The following HTATIP2 variants were observed in gnomAD, a reference collection of about 807,000 sequenced individuals.
HTATIP2 encodes protein HTATIP2.
HTATIP2 carries 26 observed loss-of-function variants against 24.7 expected under a neutral mutation model. That is an observed-to-expected ratio of 1.05 (90% CI 0.77 to 1.46). The LOEUF is 1.46. Among genes scored for constraint, HTATIP2 ranks in the 40% most tolerant of loss-of-function variants. The pLI, the probability that HTATIP2 is intolerant of heterozygous loss-of-function variation, is 0.00. For missense variants in HTATIP2, 284 were observed against 289.6 expected, an observed-to-expected ratio of 0.98 and a Z score of 0.14; for synonymous variants, 99 against 113.2, an observed-to-expected ratio of 0.87 and a Z score of 0.79.
chr11:20,364,701 G>C (rs1390903222), intron 1 of HTATIP2, among the ~76,000 whole-genome samples: 2 of 152,178 alleles, frequency 1.3e-5, no homozygotes, highest in Non-Finnish European at 1.5e-5. Context: ...GGTTGTAATG[G>C]GGGTGGGGGC....
At chr11:20,382,105 AT>A (rs1848529089) in intron 3 of HTATIP2, 72 bp from the exon 4 acceptor site, 1 of 910,280 alleles carries the variant, frequency 1.1e-6, no homozygotes, top group East Asian at 2.4e-5. Flanking sequence ...AAAACCACAA[AT>A]TATTCTCTCT....
chr11:20,367,208 A>T lies in HTATIP2; in HGVS notation c.230A>T (p.Asp77Val). Reference protein sequence around the residue: ...QEVVDFEKLDDYASAFQGHDV... With the variant: ...QEVVDFEKLDVYASAFQGHDV... ...GTGGTGGACTTTGAAAAGTTGGATGACTACGCCTCTGCCTTTCAAGGTCAT... is the reference window on the plus strand; with the variant it reads ...GTGGTGGACTTTGAAAAGTTGGATGTCTACGCCTCTGCCTTTCAAGGTCAT... Residue 77 changes from aspartate (D) to valine (V), a missense_variant, in exon 2 of 5, where the codon GAC becomes GTC. Asp to Val is a radical substitution (Grantham distance 152). Coordinates refer to ENST00000451739, the MANE Select transcript of HTATIP2 (RefSeq NM_001098522.2). 6.2e-7 allele frequency: 1 copy of T among 1,614,130 alleles called. No homozygotes were observed. The highest frequency in any genetic ancestry group is 8.5e-7 in the Non-Finnish European group (1 of 1,180,004).
In HTATIP2 at chr11:20,364,034, C is replaced by A; in HGVS notation, c.-204C>A. Reference sequence around the variant, plus strand: ...CCTGGGCGCACCCTCCAGCTCGGGCCCCTTCCGATGGGTCTGCTGGCTCAG... The same window carrying A: ...CCTGGGCGCACCCTCCAGCTCGGGCACCTTCCGATGGGTCTGCTGGCTCAG... On this transcript the variant is annotated 5_prime_UTR_variant, in exon 1 of 5. Transcript: ENST00000451739. The A allele has an allele frequency of 7.6e-7, 1 of 1,312,742 alleles. No individual in the cohort carries two copies. The allele number at this position is 1,312,742 out of a possible 1,614,324, so 81.3% of individuals were successfully genotyped here.
In HTATIP2 at chr11:20,366,530, G is replaced by T. The variant is rs76494049; in HGVS notation, c.196-644G>T. 9.8e-3 allele frequency among the ~76,000 whole-genome samples: 1,486 copies of T among 152,248 alleles called. 26 individuals carry two copies. The highest frequency in any genetic ancestry group is 0.034 in the African/African-American group (1,416 of 41,530). Reference sequence around the variant, plus strand: ...TCTTTTTTAAGTTATACAGCAAACTGATAAGGTTAGATGGAGGTTCGTAAA... The same window carrying T: ...TCTTTTTTAAGTTATACAGCAAACTTATAAGGTTAGATGGAGGTTCGTAAA... On this transcript the variant is annotated intron_variant, in intron 1 of 4. Coordinates refer to ENST00000451739, the MANE Select transcript of HTATIP2 (RefSeq NM_001098522.2).
At chr11:20,369,745 C>G (rs1015865147) in intron 2 of HTATIP2, among the ~76,000 whole-genome samples, 1 of 152,164 alleles carries the variant, frequency 6.6e-6, no homozygotes, top group Non-Finnish European at 1.5e-5. Context: ...TTAGTATGAT[C>G]TCAACTAATT....
In HTATIP2 at chr11:20,382,249, AT is replaced by A; in HGVS notation, c.503+11del. 6.1e-6 allele frequency: 9 copies of A among 1,484,238 alleles called. No homozygotes were observed. Among genetic ancestry groups the A allele is most frequent in the South Asian group, 2.3e-5 (2 of 87,704 alleles). The allele number at this position is 1,484,238 out of a possible 1,614,324, so 91.9% of individuals were successfully genotyped here. A position where few individuals can be genotyped will look rare whatever the true frequency, so the allele number is the denominator to read the frequency against. ...CTGTATTTAGGCCTGGGTAAGTATA[AT>A]ATTTATACTGAATGAGAGTATGCCA... On this transcript the variant is annotated intron_variant, in intron 4 of 4. Coordinates refer to ENST00000451739, the MANE Select transcript of HTATIP2 (RefSeq NM_001098522.2).
intron 4 of HTATIP2, among the ~76,000 whole-genome samples, chr11:20,382,637 C>A (rs753939238): frequency 6.6e-6 from 1 of 152,094 alleles, no homozygotes; most frequent in African/African-American, 2.4e-5. Flanking sequence ...GGTTGGTGTC[C>A]GGTGAGGCCT....
At position 20,382,980 on chromosome 11, in the gene HTATIP2, A is replaced by C; in HGVS notation, c.504A>C (p.Gly168=). ...TCTTTTTTTTTTTTTTTTATTTTAG[A>C]GTTCTGTTATGTGATAGGCAAGAAT... is the stretch of plus-strand genomic sequence containing the variant. ...KFDRYSVFRP[G]VLLCDRQESR... The change falls in exon 5 of 5, where the codon GGA becomes GGC. Residue 168 remains glycine (G), a splice_region_variant and synonymous_variant. Transcript: ENST00000451739. 6.4e-7 allele frequency: 1 copy of C among 1,574,104 alleles called. No homozygotes were observed. The highest frequency in any genetic ancestry group is 8.6e-7 in the Non-Finnish European group (1 of 1,163,872).
chr11:20,365,222 C>A (rs548004217), intron 1 of HTATIP2, among the ~76,000 whole-genome samples: 3 of 152,182 alleles, frequency 2.0e-5, no homozygotes, highest in Non-Finnish European at 4.4e-5. Flanking sequence ...CTCTTGACCT[C>A]AGATGATGCT....
At chr11:20,381,866 T>G (rs1042109409) in intron 3 of HTATIP2, among the ~76,000 whole-genome samples, 6 of 152,172 alleles carry the variant, frequency 3.9e-5, no homozygotes, top group Non-Finnish European at 7.4e-5. Context: ...ATAGAGGATA[T>G]TCTTTTATGA....
intron 2 of HTATIP2, among the ~76,000 whole-genome samples, chr11:20,373,384 G>A (rs777126117): frequency 3.9e-5 from 6 of 152,170 alleles, no homozygotes; most frequent in Non-Finnish European, 8.8e-5. Context: ...GGAGACGACA[G>A]CACTCTATTA....
chr11:20,364,555 G>A, intron 1 of HTATIP2, 123 bp downstream of exon 1: 2 of 817,324 alleles, frequency 2.4e-6, no homozygotes, highest in Admixed American at 2.9e-5. Flanking sequence ...TCAAAACTTG[G>A]CCAAGATTGG....
At chr11:20,372,488 C>T (rs751598796) in intron 2 of HTATIP2, among the ~76,000 whole-genome samples, 9 of 152,090 alleles carry the variant, frequency 5.9e-5, no homozygotes, top group Non-Finnish European at 1.2e-4. Flanking sequence ...GTGTAGTATA[C>T]TGTGTTTATT....
chr11:20,364,210 C>G lies in HTATIP2; in HGVS notation c.-28C>G. 1 of 1,573,532 alleles carries G rather than the reference C, an allele frequency of 6.4e-7. No homozygotes were observed. Among genetic ancestry groups the G allele is most frequent in the Non-Finnish European group, 8.7e-7 (1 of 1,155,108 alleles). On this transcript the variant is annotated 5_prime_UTR_variant, in exon 1 of 5. Coordinates refer to ENST00000451739, the MANE Select transcript of HTATIP2 (RefSeq NM_001098522.2). ...TGGCAGTCCCCTGACACCCTAAGAC[C>G]GGCATCTGTCGATGTTATTTCCCCA...
chr11:20,369,647 G>T (rs761534960), intron 2 of HTATIP2, among the ~76,000 whole-genome samples: 1 of 152,078 alleles, frequency 6.6e-6, no homozygotes, highest in South Asian at 2.1e-4. Context: ...GTCTCTTTAC[G>T]TGGTATTTTC....
chr11:20,383,184 G>T lies in HTATIP2; in HGVS notation c.708G>T (p.Ala236=), dbSNP rs202065100. 46 of 1,613,322 alleles carry T rather than the reference G, an allele frequency of 2.9e-5. No individual in the cohort carries two copies. The Admixed American group carries it at 5.5e-4, about 19-fold the overall frequency. The change falls in exon 5 of 5, where the codon GCG becomes GCT. Residue 236 remains alanine, a synonymous_variant. Coordinates refer to ENST00000451739, the MANE Select transcript of HTATIP2 (RefSeq NM_001098522.2). The stretch of plus-strand genomic sequence containing the variant: ...AGGCCATCCATGACCTGGGGAAAGC[G>T]CATGGCTCTCTCAAGCCATGACCAC... ...ENKAIHDLGK[A]HGSLKP is the part of the protein sequence containing the mutation.
intron 2 of HTATIP2, among the ~76,000 whole-genome samples, chr11:20,372,046 G>C (rs2064777752): frequency 6.6e-6 from 1 of 152,158 alleles, no homozygotes; most frequent in South Asian, 2.1e-4. Context: ...AAATAGGGCT[G>C]AATGGGACCT....
intron 4 of HTATIP2, 30 bp downstream of exon 4, chr11:20,382,269 T>G: frequency 7.9e-7 from 1 of 1,267,026 alleles, no homozygotes; most frequent in Non-Finnish European, 1.1e-6. Context: ...TGAATGAGAG[T>G]ATGCCACTGA....
At chr11:20,374,663 C>T (rs1848416352) in intron 2 of HTATIP2, among the ~76,000 whole-genome samples, 1 of 152,160 alleles carries the variant, frequency 6.6e-6, no homozygotes, top group African/African-American at 2.4e-5. Flanking sequence ...TCAAACTAAT[C>T]TCTCTGTTTC....
Sources: allele counts gnomAD v4.1 joint callset (sites outside exome capture counted in the v4.1 genomes callset), GRCh38; gene constraint gnomAD v4.1.1; transcripts MANE v1.5; gene names NCBI Gene and HGNC (gene_info 2026-07-23, HGNC 2026-07-21).